Variants in MTUS2 observed in about 807,000 individuals in gnomAD.
MTUS2 encodes the protein microtubule associated scaffold protein 2.
A neutral mutation model predicts 114.1 loss-of-function variants in MTUS2; 40 were observed. The observed-to-expected ratio is 0.35, with a 90% CI of 0.27 to 0.46. The LOEUF is 0.46. Ranked by LOEUF, MTUS2 falls within the 20% of genes least tolerant of loss-of-function variation. The probability of loss-of-function intolerance (pLI) is 1.00; values close to 1 mark genes in which losing one functional copy is unlikely to be tolerated. For missense variants in MTUS2, 1,679 were observed against 1,705.4 expected (o/e 0.98, Z 0.27); for synonymous variants, 688 against 672.0 (o/e 1.02, Z -0.37).
At chr13:29,157,306 C>T (rs183626385) in intron 5 of MTUS2, among the ~76,000 whole-genome samples, 2 of 152,328 alleles carry the variant, frequency 1.3e-5, no homozygotes, top group Admixed American at 1.3e-4. Flanking sequence ...GTAGTGCTAA[C>T]AATTTGCACT....
At chr13:29,448,404 C>G (rs1255777610) in intron 9 of MTUS2, among the ~76,000 whole-genome samples, 1 of 152,198 alleles carries the variant, frequency 6.6e-6, no homozygotes, top group African/African-American at 2.4e-5. Flanking sequence ...TTGAAGTTCT[C>G]AATCACCCCA....
At chr13:28,878,293 A>G (rs959415025) in intron 2 of MTUS2, among the ~76,000 whole-genome samples, 4 of 150,696 alleles carry the variant, frequency 2.7e-5, no homozygotes, top group African/African-American at 9.7e-5. Context: ...GTATGTGTGT[A>G]CACACACACA....
chr13:29,410,394 T>C (rs1019690414), intron 8 of MTUS2, among the ~76,000 whole-genome samples: 1 of 152,232 alleles, frequency 6.6e-6, no homozygotes, highest in Non-Finnish European at 1.5e-5. Context: ...CCCAAAGTGC[T>C]GGGATTACAG....
chr13:28,950,795 G>T (rs1478722858), intron 2 of MTUS2, among the ~76,000 whole-genome samples: 1 of 152,160 alleles, frequency 6.6e-6, no homozygotes, highest in African/African-American at 2.4e-5. Flanking sequence ...TAATGAAAAA[G>T]TTTGAAATAT....
intron 2 of MTUS2, among the ~76,000 whole-genome samples, chr13:28,896,138 G>A (rs1879251418): frequency 6.6e-6 from 1 of 152,128 alleles, no homozygotes; most frequent in African/African-American, 2.4e-5. Context: ...GATGATTAGG[G>A]AAGAGTTGTA....
chr13:28,916,035 C>A (rs1418646813), intron 2 of MTUS2, among the ~76,000 whole-genome samples: 1 of 151,808 alleles, frequency 6.6e-6, no homozygotes, highest in Non-Finnish European at 1.5e-5. Context: ...GTTTTCCCAG[C>A]ACCATTTATT....
intron 8 of MTUS2, among the ~76,000 whole-genome samples, chr13:29,368,687 G>A (rs1455452704): frequency 6.6e-6 from 1 of 152,140 alleles, no homozygotes; most frequent in South Asian, 2.1e-4. Context: ...CATCCCTCCA[G>A]AGCTGGTACA....
chr13:29,353,795 C>T (rs932446633), intron 7 of MTUS2, among the ~76,000 whole-genome samples: 3 of 152,174 alleles, frequency 2.0e-5, no homozygotes, highest in Non-Finnish European at 2.9e-5. Flanking sequence ...AGGTGTTCCA[C>T]GCTGGCTGCT....
At position 29,026,045 on chromosome 13, in the gene MTUS2, C is replaced by T. The variant is rs763821793; in HGVS notation, c.1347C>T (p.Pro449=). The T allele has an allele frequency of 3.1e-6, 5 of 1,613,838 alleles. No individual in the cohort carries two copies. The highest frequency in any genetic ancestry group is 3.3e-5 in the Admixed American group (2 of 59,998). The change falls in exon 3 of 16, where the codon CCC becomes CCT. Residue 449 remains proline (P), a synonymous_variant. Coordinates refer to ENST00000612955, the MANE Select transcript of MTUS2 (RefSeq NM_001033602.4). ...CTAATAATCTGACTGACAGCAAGCC[C>T]TTGGATGTCATTGAGGAGGAAAGGC... ...FIPNNLTDSK[P]LDVIEEERRL...
chr13:29,269,950 G>T (rs1341140829), intron 5 of MTUS2, among the ~76,000 whole-genome samples: 1 of 152,168 alleles, frequency 6.6e-6, no homozygotes, highest in Non-Finnish European at 1.5e-5. Context: ...AAATAAGCCA[G>T]TCACAGAAGC....
intron 2 of MTUS2, among the ~76,000 whole-genome samples, chr13:28,857,630 T>A (rs772108145): frequency 6.6e-6 from 1 of 152,224 alleles, no homozygotes; most frequent in Non-Finnish European, 1.5e-5. Context: ...CTGAAGGGAA[T>A]GGAAATACAT....
intron 6 of MTUS2, among the ~76,000 whole-genome samples, chr13:29,323,393 G>C (rs1465804813): frequency 1.3e-5 from 2 of 151,880 alleles, no homozygotes; most frequent in African/African-American, 4.8e-5. Flanking sequence ...GGGACTACAG[G>C]TGCCCACCAC....
intron 2 of MTUS2, among the ~76,000 whole-genome samples, chr13:29,019,710 C>T (rs982437388): frequency 2.0e-5 from 3 of 152,130 alleles, no homozygotes; most frequent in Non-Finnish European, 4.4e-5. Context: ...TCTTAGAATG[C>T]GTGGTTAGAA....
chr13:28,987,243 C>G (rs1314087191), intron 2 of MTUS2, among the ~76,000 whole-genome samples: 1 of 152,032 alleles, frequency 6.6e-6, no homozygotes, highest in Non-Finnish European at 1.5e-5. Flanking sequence ...AAGAGGCAAC[C>G]CTGGGTGAAA....
chr13:29,020,352 T>C (rs1161770476), intron 2 of MTUS2, among the ~76,000 whole-genome samples: 1 of 152,218 alleles, frequency 6.6e-6, no homozygotes, highest in Non-Finnish European at 1.5e-5. Context: ...AGTCTTGTAT[T>C]ATGTACAAGT....
chr13:29,024,632 A>G lies in MTUS2; in HGVS notation c.-67A>G. 6.4e-7 allele frequency: 1 copy of G among 1,554,196 alleles called. No homozygotes were observed. The highest frequency in any genetic ancestry group is 1.2e-5 in the South Asian group (1 of 80,236). ...GAGAATTTCCTCTTAATCTGATTGCAGCTTGAAGGCAGCCCATTTCCATTA... is the reference window on the plus strand; with the variant it reads ...GAGAATTTCCTCTTAATCTGATTGCGGCTTGAAGGCAGCCCATTTCCATTA... On this transcript the variant is annotated 5_prime_UTR_variant, in exon 3 of 16. Transcript: ENST00000612955.
intron 2 of MTUS2, among the ~76,000 whole-genome samples, chr13:28,942,719 G>T (rs1458588093): frequency 1.3e-5 from 2 of 152,190 alleles, no homozygotes; most frequent in Admixed American, 1.3e-4. Flanking sequence ...TGTAGTATAT[G>T]ATTTCAGTTT....
intron 5 of MTUS2, among the ~76,000 whole-genome samples, chr13:29,183,851 C>G (rs1470782594): frequency 6.6e-6 from 1 of 152,094 alleles, no homozygotes; most frequent in African/African-American, 2.4e-5. Context: ...TTATCTTACT[C>G]ATAATTTTAC....
chr13:29,073,503 C>T (rs903411772), intron 4 of MTUS2, among the ~76,000 whole-genome samples: 9 of 147,694 alleles, frequency 6.1e-5, no homozygotes, highest in South Asian at 2.2e-4. Context: ...AGGTTGTGTA[C>T]ACATGTGTAA....
Sources: gnomAD v4.1 joint callset for allele counts (sites outside exome capture counted in the v4.1 genomes callset) on GRCh38, gnomAD v4.1.1 for gene constraint, MANE v1.5 for transcripts, NCBI Gene and HGNC (gene_info 2026-07-23, HGNC 2026-07-21) for gene names.